Variants in PNPLA3 observed in about 807,000 individuals in gnomAD.
PNPLA3 encodes 1-acylglycerol-3-phosphate O-acyltransferase PNPLA3.
A neutral mutation model predicts 43.1 loss-of-function variants in PNPLA3; 42 were observed. The ratio of observed to expected loss-of-function variants is 0.97; its 90% CI spans 0.76 to 1.26. PNPLA3 has a LOEUF of 1.26. Among genes scored for constraint, PNPLA3 ranks in the 50% most tolerant of loss-of-function variants. The pLI, the probability that PNPLA3 is intolerant of heterozygous loss-of-function variation, is 0.00. For missense variants in PNPLA3, 647 were observed against 621.4 expected, an observed-to-expected ratio of 1.04 and a Z score of -0.44; for synonymous variants, 272 against 253.6, an observed-to-expected ratio of 1.07 and a Z score of -0.69.
At chr22:43,931,079 A>C (rs1028437140) in intron 3 of PNPLA3, among the ~76,000 whole-genome samples, 2 of 151,938 alleles carry the variant, frequency 1.3e-5, no homozygotes, top group Non-Finnish European at 2.9e-5. Context: ...GTGAGCTGAG[A>C]TCCTGCCACT....
In PNPLA3 at chr22:43,946,099, T is replaced by C. The variant is rs138696154; in HGVS notation, c.1218-55T>C. ...AATGTGGGTCCACCGTAGCTCAGAC[T>C]GCACACTGCAGCAGCGGGAACGGCC... On this transcript the variant is annotated intron_variant, in intron 8 of 8. Transcript: ENST00000216180. 59 of 1,541,910 alleles carry C rather than the reference T, an allele frequency of 3.8e-5. No homozygotes were observed. The East Asian group carries it at 1.1e-3, about 30-fold the overall frequency.
intron 8 of PNPLA3, among the ~76,000 whole-genome samples, chr22:43,945,275 C>T (rs2050055738): frequency 6.6e-6 from 1 of 152,162 alleles, no homozygotes; most frequent in Admixed American, 6.5e-5. Context: ...TGTCCTCCAC[C>T]CTCTGTTGTA....
At position 43,946,486 on chromosome 22, in the gene PNPLA3, C is replaced by A; in HGVS notation, c.*104C>A. On this transcript the variant is annotated 3_prime_UTR_variant, in exon 9 of 9. Transcript: ENST00000216180. Reference sequence around the variant, plus strand: ...GCTGTGTAGTGACCCCTGCCTGTGACGTGGAGGATCCCAGCCTCTGAGCTG... The same window carrying A: ...GCTGTGTAGTGACCCCTGCCTGTGAAGTGGAGGATCCCAGCCTCTGAGCTG... 2 of 1,133,002 alleles carry A rather than the reference C, an allele frequency of 1.8e-6. No individual in the cohort carries two copies. Among genetic ancestry groups the A allele is most frequent in the Non-Finnish European group, 2.6e-6 (2 of 760,338 alleles). The allele number at this position is 1,133,002 out of a possible 1,614,324, so 70.2% of individuals were successfully genotyped here. A position where few individuals can be genotyped will look rare whatever the true frequency, so the allele number is the denominator to read the frequency against.
intron 4 of PNPLA3, 140 bp from the exon 5 acceptor site, chr22:43,934,466 C>G: frequency 1.3e-6 from 1 of 780,988 alleles, no homozygotes; most frequent in South Asian, 1.6e-5. Context: ...TTGCTCAGCC[C>G]CCAGGTGGCT....
At chr22:43,944,449 AG>A (rs1328350184) in intron 7 of PNPLA3, among the ~76,000 whole-genome samples, 2 of 152,114 alleles carry the variant, frequency 1.3e-5, no homozygotes, top group Admixed American at 1.3e-4. Flanking sequence ...TGAAAAGCCA[AG>A]GTGTTTTTTT....
rs1337029528 is a variant in PNPLA3 at position 43,946,339 on chromosome 22, G to A, written c.1403G>A (p.Gly468Glu). The change falls in exon 9 of 9, where the codon GGG (glycine) becomes GAG (glutamate). Residue 468 changes from glycine to glutamate, a missense_variant. Gly to Glu is a moderately conservative substitution (Grantham distance 98). Transcript: ENST00000216180. ...AATAAAGTACCTGCTGGTGCTGAGGGGCTCTCCACCTTTCCCAGTTTTTCA... is the reference window on the plus strand; with the variant it reads ...AATAAAGTACCTGCTGGTGCTGAGGAGCTCTCCACCTTTCCCAGTTTTTCA... The part of the protein sequence containing the change: ...LGNKVPAGAE[G>E]LSTFPSFSLE... 6.2e-7 allele frequency: 1 copy of A among 1,614,136 alleles called. No homozygotes were observed. Among genetic ancestry groups the A allele is most frequent in the South Asian group, 1.1e-5 (1 of 91,082 alleles).
At position 43,927,173 on chromosome 22, in the gene PNPLA3, C is replaced by T. The variant is rs1244908419; in HGVS notation, c.420+6C>T. 7 of 1,612,502 alleles carry T rather than the reference C, an allele frequency of 4.3e-6. No homozygotes were observed. In the East Asian group the frequency reaches 1.6e-4, roughly 36 times the overall value. ...CCAAAGACGAAGTCGTGGATGTAAG[C>T]AGTTTGCTTATCTGGACGTTGTCAA... is the stretch of plus-strand genomic sequence containing the variant. On this transcript the variant is annotated splice_donor_region_variant and intron_variant, in intron 2 of 8. Coordinates refer to ENST00000216180, the MANE Select transcript of PNPLA3 (RefSeq NM_025225.3).
chr22:43,945,722 A>G (rs2050058668), intron 8 of PNPLA3, among the ~76,000 whole-genome samples: 1 of 152,056 alleles, frequency 6.6e-6, no homozygotes, highest in Admixed American at 6.5e-5. Flanking sequence ...CCAGGCAGGG[A>G]CGATCTGTAG....
At chr22:43,943,458 C>T (rs2050043897) in intron 7 of PNPLA3, among the ~76,000 whole-genome samples, 1 of 152,194 alleles carries the variant, frequency 6.6e-6, no homozygotes, top group African/African-American at 2.4e-5. Context: ...GCTGGTTGAA[C>T]TGTTGGGTTT....
chr22:43,936,316 A>G lies in PNPLA3; in HGVS notation c.758-735A>G, dbSNP rs79533357. On this transcript the variant is annotated intron_variant, in intron 5 of 8. Coordinates refer to ENST00000216180, the MANE Select transcript of PNPLA3 (RefSeq NM_025225.3). Reference sequence around the variant, plus strand: ...TGAATGTGAGGTTATCTTGGGGGGCAAGGCTCAGGCGTTGAGGAGCAGCCC... The same window carrying G: ...TGAATGTGAGGTTATCTTGGGGGGCGAGGCTCAGGCGTTGAGGAGCAGCCC... Among the ~76,000 whole-genome samples, 947 of 152,280 alleles carry G rather than the reference A, an allele frequency of 6.2e-3. 10 individuals are homozygous for G. Among genetic ancestry groups the G allele is most frequent in the African/African-American group, 0.022 (903 of 41,556 alleles).
chr22:43,941,294 C>CTTCCTCTGAGTTGGT (rs11274952), intron 7 of PNPLA3, among the ~76,000 whole-genome samples: 2 of 137,116 alleles, frequency 1.5e-5, no homozygotes, highest in East Asian at 4.4e-4. Flanking sequence ...CTTGATTGGG[C>CTTCCTCTGAGTTGGT]TTCCTCTGAT....
At chr22:43,927,542 G>T (rs1024554671) in intron 2 of PNPLA3, among the ~76,000 whole-genome samples, 1 of 151,678 alleles carries the variant, frequency 6.6e-6, no homozygotes, top group Non-Finnish European at 1.5e-5. Context: ...ACAGGCAGTT[G>T]TAGGCCCCCT....
rs1462176899 is a variant in PNPLA3 at position 43,930,441 on chromosome 22, G to A, written c.486+1552G>A. Among the ~76,000 whole-genome samples, 6 of 152,286 alleles carry A rather than the reference G, an allele frequency of 3.9e-5. No homozygotes were observed. The East Asian group carries it at 1.2e-3, about 29-fold the overall frequency. On this transcript the variant is annotated intron_variant, in intron 3 of 8. Transcript: ENST00000216180. ...GGATTTCCGACATTGCCACAGCATG[G>A]TTGGGCATCAGCAGGACCCCAACCC...
chr22:43,927,777 G>A (rs1046345744), intron 2 of PNPLA3, among the ~76,000 whole-genome samples: 2 of 152,246 alleles, frequency 1.3e-5, no homozygotes, highest in African/African-American at 2.4e-5. Flanking sequence ...CCTTGCTAAT[G>A]TTTGTACTTT....
intron 5 of PNPLA3, among the ~76,000 whole-genome samples, chr22:43,936,500 C>T (rs1181556354): frequency 1.3e-5 from 2 of 152,172 alleles, no homozygotes; most frequent in African/African-American, 4.8e-5. Flanking sequence ...CAGGGCCTGG[C>T]ACATACTGGT....
chr22:43,934,307 ACT>A (rs2049980424), intron 4 of PNPLA3, among the ~76,000 whole-genome samples: 2 of 140,006 alleles, frequency 1.4e-5, no homozygotes, highest in South Asian at 4.9e-4. Flanking sequence ...ACAGAGCAAG[ACT>A]CTGCCTTAAA....
At chr22:43,928,455 A>C (rs892989472) in intron 2 of PNPLA3, among the ~76,000 whole-genome samples, 1 of 152,168 alleles carries the variant, frequency 6.6e-6, no homozygotes, top group Non-Finnish European at 1.5e-5. Flanking sequence ...CTCTGGTTCC[A>C]CAGGCTCTCC....
chr22:43,925,037 C>G (rs1219278589), intron 1 of PNPLA3, among the ~76,000 whole-genome samples: 3 of 152,110 alleles, frequency 2.0e-5, no homozygotes, highest in African/African-American at 4.8e-5. Flanking sequence ...GGCAGGCTAA[C>G]TGGAGTCTAG....
In PNPLA3 at chr22:43,927,038, T is replaced by C; in HGVS notation, c.291T>C (p.Gly97=). The C allele has an allele frequency of 6.2e-7, 1 of 1,614,214 alleles. No homozygotes were observed. Among genetic ancestry groups the C allele is most frequent in the Non-Finnish European group, 8.5e-7 (1 of 1,180,026 alleles). Residue 97 remains glycine, a synonymous_variant, in exon 2 of 9, where the codon GGT becomes GGC. Transcript: ENST00000216180. The part of the protein sequence containing the change: ...SFNLSKFLRQ[G]LCKCLPANVH... ...ACTTAAGCAAGTTCCTCCGACAGGG[T>C]CTCTGCAAATGCCTCCCGGCCAATG...
Sources: allele counts gnomAD v4.1 joint callset (sites outside exome capture counted in the v4.1 genomes callset), GRCh38; gene constraint gnomAD v4.1.1; transcripts MANE v1.5; gene names NCBI Gene and HGNC (gene_info 2026-07-23, HGNC 2026-07-21).